Variants in PHKB observed in about 807,000 individuals in gnomAD.
PHKB encodes the protein phosphorylase b kinase regulatory subunit beta.
PHKB carries 122 observed loss-of-function variants against 152.1 expected under a neutral mutation model. The observed-to-expected ratio is 0.80, with a 90% CI of 0.69 to 0.93. The LOEUF (loss-of-function observed/expected upper bound fraction) is 0.93. PHKB is among the 40% of genes least tolerant of loss of function. The probability of loss-of-function intolerance (pLI) is 0.00; values close to 1 mark genes in which losing one functional copy is unlikely to be tolerated. For missense variants in PHKB, 1,304 were observed against 1,328.4 expected, an observed-to-expected ratio of 0.98 and a Z score of 0.29; for synonymous variants, 436 against 464.9, an observed-to-expected ratio of 0.94 and a Z score of 0.80.
chr16:47,616,535 TAA>T, intron 14 of PHKB, among the ~76,000 whole-genome samples: 1 of 145,938 alleles, frequency 6.9e-6, no homozygotes, highest in Non-Finnish European at 1.5e-5. Flanking sequence ...TTATAATATA[TAA>T]ATATAAATAT....
chr16:47,685,943 G>A lies in PHKB; in HGVS notation c.2631-3098G>A, dbSNP rs570226301. Among the ~76,000 whole-genome samples the A allele has an allele frequency of 8.5e-5, 13 of 152,092 alleles. No individual in the cohort carries two copies. The East Asian group carries it at 1.4e-3, about 16-fold the overall frequency. On this transcript the variant is annotated intron_variant, in intron 26 of 30. Transcript: ENST00000323584. ...TTTTTAGTGGAGACAGGGTTTCACC[G>A]TGTTAGCCAGGATGGTCTCAATCTC...
chr16:47,662,516 A>T (rs1973462225), intron 23 of PHKB, among the ~76,000 whole-genome samples: 1 of 152,240 alleles, frequency 6.6e-6, no homozygotes, highest in Admixed American at 6.5e-5. Context: ...GAACTGAAAA[A>T]CAGCAGTGGA....
At position 47,595,998 on chromosome 16, in the gene PHKB, C is replaced by T. The variant is rs1418934373; in HGVS notation, c.1205-375C>T. On this transcript the variant is annotated intron_variant, in intron 12 of 30. Coordinates refer to ENST00000323584, the MANE Select transcript of PHKB (RefSeq NM_000293.3). ...GAAAGACAGTAATTTTGATATGGTT[C>T]GGCTGTATCCCCACCCAAAGCTCAG... Among the ~76,000 whole-genome samples, 8 of 152,080 alleles carry T rather than the reference C, an allele frequency of 5.3e-5. 1 individual carries two copies. The highest frequency in any genetic ancestry group is 1.2e-4 in the African/African-American group (5 of 41,412).
chr16:47,673,683 C>G (rs958056629), intron 26 of PHKB, among the ~76,000 whole-genome samples: 1 of 152,146 alleles, frequency 6.6e-6, no homozygotes, highest in Non-Finnish European at 1.5e-5. Flanking sequence ...TCATTGCACT[C>G]AAAAGATCAC....
chr16:47,485,979 T>TAAAAAGAA (rs1970043226), intron 1 of PHKB, among the ~76,000 whole-genome samples: 1 of 151,624 alleles, frequency 6.6e-6, no homozygotes, highest in Non-Finnish European at 1.5e-5. Context: ...AAAAAAGTAG[T>TAAAAAGAA]AAAAAGAAAA....
At chr16:47,530,436 G>A (rs1387100529) in intron 6 of PHKB, among the ~76,000 whole-genome samples, 1 of 152,180 alleles carries the variant, frequency 6.6e-6, no homozygotes, top group Non-Finnish European at 1.5e-5. Context: ...ACAGGGGAAA[G>A]CCACTGCGCC....
chr16:47,471,093 C>G (rs541144888), intron 1 of PHKB, among the ~76,000 whole-genome samples: 1 of 152,188 alleles, frequency 6.6e-6, no homozygotes, highest in African/African-American at 2.4e-5. Context: ...CTCATCAGCT[C>G]TCTGTCTCCT....
rs562614999 is a variant in PHKB at position 47,510,133 on chromosome 16, G to A, written c.406-1532G>A. 8.0e-4 allele frequency among the ~76,000 whole-genome samples: 122 copies of A among 152,288 alleles called. 3 individuals are homozygous for A. The South Asian group carries it at 0.024, about 30-fold the overall frequency. On this transcript the variant is annotated intron_variant, in intron 4 of 30. Transcript: ENST00000323584. ...CCTGAGCACAGGATCATCTGTCCCC[G>A]TGGTATCTGGGGTGCATTACCCTCT...
rs552248500 is a variant in PHKB at position 47,664,178 on chromosome 16, C to T, written c.2336+444C>T. On this transcript the variant is annotated intron_variant, in intron 24 of 30. Coordinates refer to ENST00000323584, the MANE Select transcript of PHKB (RefSeq NM_000293.3). The stretch of plus-strand genomic sequence containing the variant: ...TGAATCCCAGTGATTGTAGTTGCTT[C>T]ACGAAAAATAACCAATTTGTTCTAC... 12 of 163,474 alleles carry T rather than the reference C, an allele frequency of 7.3e-5. No individual in the cohort carries two copies. The South Asian group carries it at 1.7e-3, about 23-fold the overall frequency. 10.1% of individuals were successfully genotyped at this position (163,474 alleles called of 1,614,324 possible). A position where few individuals can be genotyped will look rare whatever the true frequency, so the allele number is the denominator to read the frequency against.
At chr16:47,595,213 T>C (rs745381831) in intron 12 of PHKB, among the ~76,000 whole-genome samples, 1 of 152,232 alleles carries the variant, frequency 6.6e-6, no homozygotes, top group East Asian at 1.9e-4. Context: ...AGTAGTTTAA[T>C]GTACCTCACT....
At chr16:47,526,953 A>C (rs1055646327) in intron 6 of PHKB, among the ~76,000 whole-genome samples, 2 of 152,172 alleles carry the variant, frequency 1.3e-5, no homozygotes, top group Non-Finnish European at 2.9e-5. Flanking sequence ...GCAGAAGACA[A>C]AACAGGAGAA....
At chr16:47,488,052 C>T (rs1185662830) in intron 1 of PHKB, among the ~76,000 whole-genome samples, 1 of 152,192 alleles carries the variant, frequency 6.6e-6, no homozygotes. Flanking sequence ...ATATTCCCAC[C>T]AGCAGTGTAT....
chr16:47,567,637 C>T (rs1009081445), intron 7 of PHKB, among the ~76,000 whole-genome samples: 2 of 152,170 alleles, frequency 1.3e-5, no homozygotes, highest in Non-Finnish European at 2.9e-5. Flanking sequence ...GAAAGGCTTT[C>T]ACCTTCTCCC....
At chr16:47,688,979 A>C in intron 26 of PHKB, 62 bp from the exon 27 acceptor site, 1 of 1,582,304 alleles carries the variant, frequency 6.3e-7, no homozygotes, top group South Asian at 1.1e-5. Context: ...CATTGCTGAG[A>C]GAAGCAGAAG....
At chr16:47,658,953 T>C (rs543294160) in intron 20 of PHKB, among the ~76,000 whole-genome samples, 4 of 152,266 alleles carry the variant, frequency 2.6e-5, no homozygotes, top group African/African-American at 7.2e-5. Context: ...ATACCTAACA[T>C]AGTACCTAGT....
intron 26 of PHKB, among the ~76,000 whole-genome samples, chr16:47,685,356 C>T (rs1004116048): frequency 5.9e-5 from 9 of 151,996 alleles, no homozygotes; most frequent in South Asian, 4.2e-4. Context: ...ACCTGGGAGC[C>T]GGAGGTTGCG....
chr16:47,536,911 G>A (rs937670713), intron 6 of PHKB, among the ~76,000 whole-genome samples: 9 of 152,172 alleles, frequency 5.9e-5, no homozygotes, highest in African/African-American at 1.7e-4. Flanking sequence ...AGTTTTGAAC[G>A]GGGGCTGAAG....
intron 11 of PHKB, 150 bp from the exon 12 acceptor site, chr16:47,593,987 G>C: frequency 1.7e-6 from 1 of 604,520 alleles, no homozygotes; most frequent in Non-Finnish European, 2.9e-6. Flanking sequence ...ATATCACACA[G>C]ATTTGCATTT....
chr16:47,687,006 G>T (rs1973976700), intron 26 of PHKB, among the ~76,000 whole-genome samples: 1 of 152,112 alleles, frequency 6.6e-6, no homozygotes, highest in Non-Finnish European at 1.5e-5. Context: ...CAAGACTCAT[G>T]GTATTAGTGG....
Sources: gnomAD v4.1 joint callset for allele counts (sites outside exome capture counted in the v4.1 genomes callset) on GRCh38, gnomAD v4.1.1 for gene constraint, MANE v1.5 for transcripts, NCBI Gene and HGNC (gene_info 2026-07-23, HGNC 2026-07-21) for gene names.